ANKS1A: variants seen among roughly 807,000 people sequenced by gnomAD.
ANKS1A encodes ankyrin repeat and sterile alpha motif domain containing 1A.
ANKS1A carries 55 observed loss-of-function variants against 120.3 expected under a neutral mutation model. The observed-to-expected ratio is 0.46, with a 90% CI of 0.37 to 0.57. ANKS1A has a LOEUF of 0.57. Ranked by LOEUF, ANKS1A falls within the 20% of genes least tolerant of loss-of-function variation. The pLI, the probability that ANKS1A is intolerant of heterozygous loss-of-function variation, is 0.00. For synonymous variants in ANKS1A, 590 were observed against 604.7 expected (o/e 0.98, Z 0.36); for missense variants, 1,123 against 1,480.3 (o/e 0.76, Z 3.96).
intron 3 of ANKS1A, 44 bp from the exon 4 acceptor site, chr6:34,981,646 C>T: frequency 2.5e-6 from 4 of 1,588,194 alleles, no homozygotes; most frequent in Non-Finnish European, 3.4e-6. Flanking sequence ...AGGTGCCTGT[C>T]TGCCAGTGAC....
At chr6:35,078,733 A>G (rs1777501204) in intron 14 of ANKS1A, 77 bp downstream of exon 14, 6 of 1,392,348 alleles carry the variant, frequency 4.3e-6, no homozygotes, top group African/African-American at 1.4e-5. Flanking sequence ...CACCAAGAAC[A>G]GGGGAGGAGC....
At chr6:34,976,450 T>C (rs1330691983) in intron 3 of ANKS1A, among the ~76,000 whole-genome samples, 1 of 152,132 alleles carries the variant, frequency 6.6e-6, no homozygotes, top group Non-Finnish European at 1.5e-5. Context: ...TTCCCCCTCT[T>C]AACAATTCTT....
At chr6:34,912,628 A>G (rs1767960188) in intron 1 of ANKS1A, among the ~76,000 whole-genome samples, 1 of 152,218 alleles carries the variant, frequency 6.6e-6, no homozygotes, top group South Asian at 2.1e-4. Context: ...CTCACCTAAC[A>G]GATAGTAAGG....
At chr6:35,055,937 A>G (rs820091) in intron 12 of ANKS1A, among the ~76,000 whole-genome samples, 61,708 of 152,088 alleles carry the variant, frequency 0.41, 12,876 homozygotes, top group East Asian at 0.62. Flanking sequence ...GTAGCTTGCA[A>G]GCTTTTCCAA....
intron 14 of ANKS1A, 120 bp downstream of exon 14, chr6:35,078,776 C>T: frequency 1.2e-6 from 1 of 857,638 alleles, no homozygotes; most frequent in Non-Finnish European, 1.8e-6. Flanking sequence ...ATAGCAGGAC[C>T]TCTACCCCTC....
In ANKS1A at chr6:34,985,226, C is replaced by T; in HGVS notation, c.1157C>T (p.Ser386Phe). The part of the protein sequence containing the change: ...MASGRSSDQD[S>F]TNKEAEAAGV... ...AGCGGGCGATCATCTGACCAAGACT[C>T]CACGAACAAGGAGGCTGAGGCAGCA... The change falls in exon 8 of 24, where the codon TCC becomes TTC. Residue 386 changes from serine (S) to phenylalanine (F), a missense_variant. By Grantham distance (155) the Ser-to-Phe change is radical (BLOSUM62 -2). This residue lies in a region of ANKS1A where 904 missense variants were observed against 1,130.4 expected (regional missense o/e 0.80). Coordinates refer to ENST00000360359, the MANE Select transcript of ANKS1A (RefSeq NM_015245.3). 1.2e-6 allele frequency: 2 copies of T among 1,614,200 alleles called. No homozygotes were observed. Among genetic ancestry groups the T allele is most frequent in the Non-Finnish European group, 1.7e-6 (2 of 1,180,026 alleles).
chr6:35,053,191 G>C (rs1776052995), intron 11 of ANKS1A, among the ~76,000 whole-genome samples: 1 of 152,196 alleles, frequency 6.6e-6, no homozygotes, highest in Non-Finnish European at 1.5e-5. Flanking sequence ...CATTCCTTTG[G>C]AAAAAGAGCA....
chr6:34,918,846 A>AT (rs1241400779), intron 1 of ANKS1A, among the ~76,000 whole-genome samples: 3 of 149,808 alleles, frequency 2.0e-5, no homozygotes, highest in African/African-American at 7.5e-5. Flanking sequence ...TATACACTTT[A>AT]TTTTTTTTAT....
At chr6:35,083,099 C>A in intron 18 of ANKS1A, 56 bp from the exon 19 acceptor site, 1 of 1,599,578 alleles carries the variant, frequency 6.3e-7, no homozygotes, top group South Asian at 1.1e-5. Context: ...TTGGTTGGGT[C>A]ACCCCTGCAT....
At chr6:34,935,787 G>T (rs1769216622) in intron 1 of ANKS1A, among the ~76,000 whole-genome samples, 1 of 151,902 alleles carries the variant, frequency 6.6e-6, no homozygotes, top group South Asian at 2.1e-4. Context: ...GGTGGGCCGG[G>T]CGCGGTGGCT....
chr6:34,912,638 G>A (rs1279530344), intron 1 of ANKS1A, among the ~76,000 whole-genome samples: 2 of 152,156 alleles, frequency 1.3e-5, no homozygotes, highest in African/African-American at 4.8e-5. Flanking sequence ...AGATAGTAAG[G>A]ATTTCAATAG....
At chr6:34,924,474 T>C (rs1453845949) in intron 1 of ANKS1A, among the ~76,000 whole-genome samples, 2 of 152,164 alleles carry the variant, frequency 1.3e-5, no homozygotes, top group African/African-American at 2.4e-5. Flanking sequence ...GGAGACATTC[T>C]TTGGGGTAAC....
intron 10 of ANKS1A, among the ~76,000 whole-genome samples, chr6:35,002,054 A>G (rs1773197721): frequency 6.6e-6 from 1 of 152,192 alleles, no homozygotes; most frequent in African/African-American, 2.4e-5. Flanking sequence ...ATAAATAGCA[A>G]AGGACACTAT....
intron 11 of ANKS1A, among the ~76,000 whole-genome samples, chr6:35,051,293 G>T (rs1446249108): frequency 6.6e-6 from 1 of 152,228 alleles, no homozygotes. Flanking sequence ...GAGCAGAGCG[G>T]AGAAGCAGCG....
rs1778297321 is a variant in ANKS1A, at chr6:35,091,395, G to A, written c.*2786G>A. On this transcript the variant is annotated 3_prime_UTR_variant, in exon 24 of 24. Coordinates refer to ENST00000360359, the MANE Select transcript of ANKS1A (RefSeq NM_015245.3). ...CAGACTGAATTAATAAATGAGAAGC[G>A]ACATGAACGCAGCCTTAATTCTTCT... The A allele has an allele frequency of 2.0e-6, 2 of 985,432 alleles. No individual in the cohort carries two copies. The highest frequency in any genetic ancestry group is 2.4e-6 in the Non-Finnish European group (2 of 829,936). The allele number at this position is 985,432 out of a possible 1,614,324, so 61.0% of individuals were successfully genotyped here.
chr6:35,016,219 G>C (rs1183654393), intron 10 of ANKS1A, among the ~76,000 whole-genome samples: 1 of 152,230 alleles, frequency 6.6e-6, no homozygotes, highest in Non-Finnish European at 1.5e-5. Flanking sequence ...CTAGGTTGAA[G>C]TCTTCTCCTG....
Position 35,083,440 on chromosome 6 carries a change from G to T in ANKS1A, c.2931G>T (p.Lys977Asn). The T allele has an allele frequency of 6.2e-7, 1 of 1,614,094 alleles. No individual in the cohort carries two copies. The highest frequency in any genetic ancestry group is 1.1e-5 in the South Asian group (1 of 91,086). ...KMRKSTEHMK[K>N]IPTIILSITY... is the part of the protein sequence containing the mutation. ...AGAAATCTACGGAGCACATGAAGAA[G>T]ATCCCCACCATCATCCTGTCCATCA... The change falls in exon 20 of 24, where the codon AAG (lysine) becomes AAT (asparagine). Residue 977 changes from lysine (K) to asparagine (N), a missense_variant. Coordinates refer to ENST00000360359, the MANE Select transcript of ANKS1A (RefSeq NM_015245.3).
intron 11 of ANKS1A, among the ~76,000 whole-genome samples, chr6:35,029,675 A>C (rs1165073843): frequency 6.6e-6 from 1 of 150,522 alleles, no homozygotes; most frequent in Non-Finnish European, 1.5e-5. Context: ...TATCCCAGTT[A>C]AGAAGACTTT....
In ANKS1A at chr6:34,980,018, A is replaced by G. The variant is rs114346373; in HGVS notation, c.436-1672A>G. Among the ~76,000 whole-genome samples the G allele has an allele frequency of 6.0e-3, 909 of 152,350 alleles. 7 individuals are homozygous for G. The highest frequency in any genetic ancestry group is 0.018 in the African/African-American group (744 of 41,596). On this transcript the variant is annotated intron_variant, in intron 3 of 23. Transcript: ENST00000360359. ...AGTTTGCTTAGGAAACTCATGGCAT[A>G]GCTTAATAGGGCCTTCCAAATGGGT... is the stretch of plus-strand genomic sequence containing the variant.
Sources: gnomAD v4.1 joint callset for allele counts (sites outside exome capture counted in the v4.1 genomes callset) on GRCh38, gnomAD v4.1.1 for gene constraint, gnomAD v4.1.1 regional missense constraint, MANE v1.5 for transcripts, NCBI Gene and HGNC (gene_info 2026-07-23, HGNC 2026-07-21) for gene names.